The following SEPTIN9 variants were observed in gnomAD, a reference collection of about 807,000 sequenced individuals.
SEPTIN9 encodes the protein septin 9.
In SEPTIN9, 13 loss-of-function variants were observed where a neutral mutation model predicts 56.6. The ratio of observed to expected loss-of-function variants is 0.23; its 90% confidence interval spans 0.15 to 0.37. The LOEUF is 0.37. Ranked by LOEUF, SEPTIN9 falls within the 10% of genes least tolerant of loss-of-function variation. The pLI is 1.00. For missense variants in SEPTIN9, 650 were observed against 823.1 expected (o/e 0.79, Z 2.57); for synonymous variants, 332 against 334.1 (o/e 0.99, Z 0.07).
At position 77,435,087 on chromosome 17, in the gene SEPTIN9, A is replaced by C. The variant is rs1273906538; in HGVS notation, c.721+32384A>C. Among the ~76,000 whole-genome samples the C allele has an allele frequency of 6.6e-6, 1 of 152,088 alleles. No individual in the cohort carries two copies. The highest frequency in any genetic ancestry group is 1.5e-5 in the Non-Finnish European group (1 of 67,988). ...GTAAGTATCCCCTTTAATCCTCCCA[A>C]CAACACTGTGAAATTGATTCTGTTG... On this transcript the variant is annotated intron_variant, in intron 3 of 11. Transcript: ENST00000427177. The surrounding 1 kb of genome is among the most constrained non-coding windows in gnomAD (Gnocchi z 4.5).
chr17:77,405,038 C>T lies in SEPTIN9; in HGVS notation c.721+2335C>T. 6.6e-7 allele frequency: 1 copy of T among 1,526,514 alleles called. No individual in the cohort carries two copies. The highest frequency in any genetic ancestry group is 8.8e-7 in the Non-Finnish European group (1 of 1,140,470). 94.6% of individuals were successfully genotyped at this position (1,526,514 alleles called of 1,614,324 possible). A position where few individuals can be genotyped will look rare whatever the true frequency, so the allele number is the denominator to read the frequency against. ...TTGATGTGTTCACACTCAGCTGAGT[C>T]AAACAGGATGTGGCTGGGGAGGCGG... is the stretch of plus-strand genomic sequence containing the variant. On this transcript the variant is annotated intron_variant, in intron 3 of 11. Coordinates refer to ENST00000427177, the MANE Select transcript of SEPTIN9 (RefSeq NM_001113491.2). This position sits in a 1 kb window ranked among gnomAD's most constrained non-coding sequence, Gnocchi z 5.8.
chr17:77,399,173 G>A (rs1162142157), intron 2 of SEPTIN9, among the ~76,000 whole-genome samples: 1 of 152,202 alleles, frequency 6.6e-6, no homozygotes, highest in Admixed American at 6.5e-5. Context: ...AGACTCAATC[G>A]TAAGCTCACA....
chr17:77,497,407 C>T (rs1179936348), intron 11 of SEPTIN9, 41 bp downstream of exon 11: 1 of 1,587,410 alleles, frequency 6.3e-7, no homozygotes, highest in East Asian at 2.2e-5. Flanking sequence ...CGGCTTCACC[C>T]CTAAGAGGGC....
chr17:77,345,499 T>C (rs1307316733), intron 2 of SEPTIN9, among the ~76,000 whole-genome samples: 1 of 152,160 alleles, frequency 6.6e-6, no homozygotes, highest in African/African-American at 2.4e-5. Flanking sequence ...AAAAGGTTCT[T>C]GCCAGAAGGT....
intron 3 of SEPTIN9, among the ~76,000 whole-genome samples, chr17:77,479,233 G>A (rs2039348572): frequency 1.3e-5 from 2 of 152,366 alleles, no homozygotes; most frequent in Non-Finnish European, 2.9e-5. Context: ...GGACGGTGTC[G>A]TGGTCACAGA....
rs963464865 is a variant in SEPTIN9 at position 77,329,876 on chromosome 17, C to A, written c.76+22679C>A. On this transcript the variant is annotated intron_variant, in intron 2 of 11. Coordinates refer to ENST00000427177, the MANE Select transcript of SEPTIN9 (RefSeq NM_001113491.2). This position sits in a 1 kb window ranked among gnomAD's most constrained non-coding sequence, Gnocchi z 4.3. ...CAGCCAAGGCTTCGGGGTTTGGACA[C>A]CATCCCTGGGAGGGGTGAGCAGGAC... 1.3e-5 allele frequency among the ~76,000 whole-genome samples: 2 copies of A among 152,208 alleles called. No individual in the cohort carries two copies. Among genetic ancestry groups the A allele is most frequent in the Non-Finnish European group, 2.9e-5 (2 of 68,042 alleles).
At chr17:77,383,404 G>A (rs2035217728) in intron 2 of SEPTIN9, among the ~76,000 whole-genome samples, 1 of 152,104 alleles carries the variant, frequency 6.6e-6, no homozygotes, top group African/African-American at 2.4e-5. Flanking sequence ...AAGGTAGATT[G>A]GGCTGCTGAG....
chr17:77,440,690 C>T (rs776896201), intron 3 of SEPTIN9, among the ~76,000 whole-genome samples: 6 of 152,250 alleles, frequency 3.9e-5, no homozygotes, highest in African/African-American at 7.2e-5. Context: ...CGTGATCATC[C>T]GCTGGGCGCC....
chr17:77,285,587 T>C (rs2411077), intron 1 of SEPTIN9, among the ~76,000 whole-genome samples: 78,434 of 150,670 alleles, frequency 0.52, 22,719 homozygotes, highest in African/African-American at 0.79. Flanking sequence ...TTAGTAGAGA[T>C]GGGGTTTTAC....
At chr17:77,463,797 C>T (rs1286844389) in intron 3 of SEPTIN9, among the ~76,000 whole-genome samples, 5 of 152,000 alleles carry the variant, frequency 3.3e-5, no homozygotes, top group African/African-American at 1.2e-4. Context: ...GAGCCGAGAT[C>T]GCGCCATTGC....
rs760316523 is a variant in SEPTIN9, at chr17:77,429,320, G to T, written c.721+26617G>T. 3 of 467,994 alleles carry T rather than the reference G, an allele frequency of 6.4e-6. No individual in the cohort carries two copies. Among genetic ancestry groups the T allele is most frequent in the Admixed American group, 2.4e-5 (1 of 42,496 alleles). 29.0% of individuals were successfully genotyped at this position (467,994 alleles called of 1,614,324 possible). A position where few individuals can be genotyped will look rare whatever the true frequency, so the allele number is the denominator to read the frequency against. On this transcript the variant is annotated intron_variant, in intron 3 of 11. Transcript: ENST00000427177. The surrounding 1 kb of genome is among the most constrained non-coding windows in gnomAD (Gnocchi z 5.2). ...CACGCAGGCCTCCTGCCCTCGCCAC[G>T]ACTGGCTCCTGCAGCCCACCTGGCT... is the stretch of plus-strand genomic sequence containing the variant.
rs2033303628 is a variant in SEPTIN9, at chr17:77,330,407, C to A, written c.76+23210C>A. On this transcript the variant is annotated intron_variant, in intron 2 of 11. Transcript: ENST00000427177. The surrounding 1 kb of genome is among the most constrained non-coding windows in gnomAD (Gnocchi z 4.4). ...CTCATTGATCATGGGACTGACACCC[C>A]CTCATGTTGATGTGGGCCCTGAGCC... 6.6e-6 allele frequency among the ~76,000 whole-genome samples: 1 copy of A among 152,182 alleles called. No homozygotes were observed. Among genetic ancestry groups the A allele is most frequent in the African/African-American group, 2.4e-5 (1 of 41,438 alleles).
intron 3 of SEPTIN9, among the ~76,000 whole-genome samples, chr17:77,424,982 AGTAGGGTGAGG>A (rs1402726692): frequency 6.6e-6 from 1 of 152,184 alleles, no homozygotes; most frequent in African/African-American, 2.4e-5. Flanking sequence ...AATTCCCATC[AGTAGGGTGAGG>A]GTAACCAGGA....
intron 1 of SEPTIN9, chr17:77,288,132 G>A (rs771108558): frequency 1.1e-5 from 12 of 1,063,046 alleles, no homozygotes; most frequent in Non-Finnish European, 1.4e-5. Context: ...ACCCCACCCC[G>A]GCCTGGGGTT....
rs372572677 is a variant in SEPTIN9 at position 77,442,388 on chromosome 17, A to G, written c.721+39685A>G. Among the ~76,000 whole-genome samples the G allele has an allele frequency of 2.2e-3, 338 of 151,112 alleles. 8 individuals are homozygous for G. In the South Asian group the frequency reaches 0.056, roughly 25 times the overall value. Reference sequence around the variant, plus strand: ...AATTTTTTGTATTTTTAGTAGAGACAGGGTTTCACTATGTTGGCCAGGCTG... The same window carrying G: ...AATTTTTTGTATTTTTAGTAGAGACGGGGTTTCACTATGTTGGCCAGGCTG... On this transcript the variant is annotated intron_variant, in intron 3 of 11. Coordinates refer to ENST00000427177, the MANE Select transcript of SEPTIN9 (RefSeq NM_001113491.2).
intron 2 of SEPTIN9, among the ~76,000 whole-genome samples, chr17:77,342,302 A>G (rs1372435424): frequency 6.6e-6 from 1 of 152,186 alleles, no homozygotes; most frequent in Non-Finnish European, 1.5e-5. Context: ...GCACAATGAA[A>G]TGAGGTGTGC....
Position 77,498,710 on chromosome 17 carries a change from C to G in SEPTIN9, c.*52C>G. The G allele has an allele frequency of 8.5e-7, 1 of 1,173,974 alleles. No individual in the cohort carries two copies. Among genetic ancestry groups the G allele is most frequent in the Non-Finnish European group, 1.2e-6 (1 of 807,060 alleles). The allele number at this position is 1,173,974 out of a possible 1,614,324, so 72.7% of individuals were successfully genotyped here. On this transcript the variant is annotated 3_prime_UTR_variant, in exon 12 of 12. Coordinates refer to ENST00000427177, the MANE Select transcript of SEPTIN9 (RefSeq NM_001113491.2). ...CTGCCCCCAAGTCATTTCCGTCCCC[C>G]CCCAGGCCCTCCCACCACCCCATTT...
At chr17:77,288,645 A>G (rs2031386818) in intron 1 of SEPTIN9, among the ~76,000 whole-genome samples, 1 of 152,230 alleles carries the variant, frequency 6.6e-6, no homozygotes, top group African/African-American at 2.4e-5. Context: ...ATGTAACCCA[A>G]GCCAGTTGGA....
intron 2 of SEPTIN9, among the ~76,000 whole-genome samples, chr17:77,320,844 A>G (rs1052946049): frequency 6.6e-5 from 10 of 152,216 alleles, no homozygotes; most frequent in Non-Finnish European, 1.3e-4. Context: ...TAGAGGGGGA[A>G]GCTCCCGGCG....
Sources: gnomAD v4.1 joint callset for allele counts (sites outside exome capture counted in the v4.1 genomes callset) on GRCh38, gnomAD v4.1.1 for gene constraint, Gnocchi (gnomAD v3.1) non-coding constraint, MANE v1.5 for transcripts, NCBI Gene and HGNC (gene_info 2026-07-23, HGNC 2026-07-21) for gene names.